QTMAN: variants seen among roughly 807,000 people sequenced by gnomAD.
QTMAN encodes queuosine-tRNA mannosyltransferase.
At chr2:144,213,023 G>A in the QTMAN span, among the ~76,000 whole-genome samples, 1 of 151,956 alleles carries the variant, frequency 6.6e-6, no homozygotes, top group Admixed American at 6.6e-5. Context: ...ATTCATAATC[G>A]AAAGGGGATA....
the QTMAN span, among the ~76,000 whole-genome samples, chr2:144,158,459 T>C: frequency 6.6e-6 from 1 of 151,880 alleles, no homozygotes; most frequent in African/African-American, 2.4e-5. Context: ...AACATAAGTG[T>C]GTGAGGCTGT....
At chr2:144,062,415 T>C in the QTMAN span, among the ~76,000 whole-genome samples, 1 of 152,340 alleles carries the variant, frequency 6.6e-6, no homozygotes, top group African/African-American at 2.4e-5. Flanking sequence ...AGGTCTCAGG[T>C]CTGGGTCCAA....
At chr2:143,977,177 A>G in the QTMAN span, among the ~76,000 whole-genome samples, 15 of 152,262 alleles carry the variant, frequency 9.9e-5, no homozygotes, top group Admixed American at 9.1e-4. Flanking sequence ...AAAGACATTC[A>G]AGATGGTAAG....
chr2:144,244,052 C>T, the QTMAN span, among the ~76,000 whole-genome samples: 1 of 152,126 alleles, frequency 6.6e-6, no homozygotes, highest in African/African-American at 2.4e-5. Flanking sequence ...TCCACTAAGG[C>T]GGTCCTAAAA....
chr2:144,212,297 T>C, the QTMAN span, among the ~76,000 whole-genome samples: 1 of 152,034 alleles, frequency 6.6e-6, no homozygotes, highest in Non-Finnish European at 1.5e-5. Context: ...AGCCTGTCTC[T>C]ATGAAAAATA....
At chr2:144,059,095 C>G in the QTMAN span, among the ~76,000 whole-genome samples, 32 of 152,230 alleles carry the variant, frequency 2.1e-4, no homozygotes, top group Non-Finnish European at 4.3e-4. Context: ...GCATAGCCCT[C>G]AGATTCTGGC....
the QTMAN span, among the ~76,000 whole-genome samples, chr2:144,096,404 C>T: frequency 2.0e-5 from 3 of 152,134 alleles, no homozygotes; most frequent in African/African-American, 7.2e-5. Context: ...CTTCAAAACA[C>T]CATATGGACC....
At chr2:143,959,482 C>G in the QTMAN span, among the ~76,000 whole-genome samples, 1 of 152,068 alleles carries the variant, frequency 6.6e-6, no homozygotes, top group Non-Finnish European at 1.5e-5. Flanking sequence ...GAGATAATAT[C>G]TGATCCTGGA....
chr2:144,262,965 A>G, the QTMAN span, among the ~76,000 whole-genome samples: 1 of 48,842 alleles, frequency 2.0e-5, no homozygotes, highest in African/African-American at 8.4e-5. Flanking sequence ...AAGGGAGGAG[A>G]GGGGAAGGGA....
At chr2:144,242,391 A>G in the QTMAN span, among the ~76,000 whole-genome samples, 2 of 152,142 alleles carry the variant, frequency 1.3e-5, no homozygotes, top group African/African-American at 4.8e-5. Flanking sequence ...TCCATGGGCT[A>G]TTCATATCCA....
the QTMAN span, chr2:143,946,699 G>A: frequency 4.7e-5 from 10 of 213,576 alleles, no homozygotes; most frequent in African/African-American, 6.8e-5. Context: ...GGATAAAAAC[G>A]GATTCAACCG....
At chr2:144,277,858 T>C in the QTMAN span, among the ~76,000 whole-genome samples, 23 of 152,302 alleles carry the variant, frequency 1.5e-4, no homozygotes, top group African/African-American at 4.6e-4. Context: ...CCCAATCCCA[T>C]TCTAGCATGT....
chr2:144,072,796 T>C, the QTMAN span, among the ~76,000 whole-genome samples: 1 of 152,208 alleles, frequency 6.6e-6, no homozygotes, highest in East Asian at 1.9e-4. Flanking sequence ...CTTTTCATTC[T>C]AGAAAATACT....
At chr2:143,955,062 C>A in the QTMAN span, among the ~76,000 whole-genome samples, 5 of 152,090 alleles carry the variant, frequency 3.3e-5, no homozygotes, top group Non-Finnish European at 7.4e-5. Flanking sequence ...GGCTCTCAGT[C>A]GCATTATCTA....
chr2:144,092,027 A>C, the QTMAN span, among the ~76,000 whole-genome samples: 1 of 152,184 alleles, frequency 6.6e-6, no homozygotes, highest in African/African-American at 2.4e-5. Flanking sequence ...GAGAATGTGA[A>C]TTGGGATAGA....
At chr2:144,063,822 C>A in the QTMAN span, among the ~76,000 whole-genome samples, 1 of 152,062 alleles carries the variant, frequency 6.6e-6, no homozygotes, top group Non-Finnish European at 1.5e-5. Context: ...CATTCAAGTG[C>A]CATGAAAATT....
chr2:144,259,721 T>C, the QTMAN span, among the ~76,000 whole-genome samples: 2 of 152,162 alleles, frequency 1.3e-5, no homozygotes, highest in Non-Finnish European at 2.9e-5. Flanking sequence ...CCAATTTGAT[T>C]TTACTCTACA....
the QTMAN span, among the ~76,000 whole-genome samples, chr2:144,014,951 T>C: frequency 1.8e-4 from 27 of 152,212 alleles, no homozygotes; most frequent in Non-Finnish European, 4.0e-4. Context: ...TAGCATTATT[T>C]AACTTAAATA....
the QTMAN span, among the ~76,000 whole-genome samples, chr2:144,182,459 G>A: frequency 3.2e-4 from 49 of 151,754 alleles, no homozygotes; most frequent in Non-Finnish European, 6.0e-4. Context: ...TGGCCAACAT[G>A]GTGAAACTCT....
Sources: gnomAD v4.1 joint callset for allele counts (sites outside exome capture counted in the v4.1 genomes callset) on GRCh38, gnomAD v4.1.1 for gene constraint, MANE v1.5 for transcripts, NCBI Gene and HGNC (gene_info 2026-07-23, HGNC 2026-07-21) for gene names.